MYT1L: variants seen among roughly 807,000 people sequenced by gnomAD.
MYT1L encodes the protein myelin transcription factor 1-like protein.
Under a neutral mutation model 126.7 loss-of-function variants are expected in MYT1L, and 12 were observed. The ratio of observed to expected loss-of-function variants is 0.09; its 90% CI spans 0.06 to 0.15. The LOEUF is 0.15. Among genes scored for constraint, MYT1L ranks in the 10% least tolerant of loss-of-function variants. MYT1L has a pLI of 1.00. For missense variants in MYT1L, 979 were observed against 1,585.2 expected, an observed-to-expected ratio of 0.62 and a Z score of 6.49; for synonymous variants, 541 against 604.2, an observed-to-expected ratio of 0.90 and a Z score of 1.53.
chr2:2,308,668 A>G (rs1247991222), intron 1 of MYT1L, among the ~76,000 whole-genome samples: 1 of 151,884 alleles, frequency 6.6e-6, no homozygotes, highest in Non-Finnish European at 1.5e-5. Context: ...AGTACACTCT[A>G]CCTATATCTT....
chr2:2,211,370 C>T, intron 2 of MYT1L, among the ~76,000 whole-genome samples: 1 of 152,096 alleles, frequency 6.6e-6, no homozygotes, highest in South Asian at 2.1e-4. Flanking sequence ...ATTGTTTTAA[C>T]ATTAATTTTG....
chr2:2,073,688 T>A (rs901954725), intron 3 of MYT1L, among the ~76,000 whole-genome samples: 2 of 152,180 alleles, frequency 1.3e-5, no homozygotes, highest in Non-Finnish European at 2.9e-5. Context: ...TGTCGGTGAC[T>A]CCCACTTTTA....
intron 3 of MYT1L, among the ~76,000 whole-genome samples, chr2:2,170,469 G>A (rs1043459347): frequency 3.3e-5 from 5 of 152,158 alleles, no homozygotes; most frequent in African/African-American, 4.8e-5. Flanking sequence ...GCAGTTGCAC[G>A]GAGACCACTC....
intron 2 of MYT1L, among the ~76,000 whole-genome samples, chr2:2,259,409 T>TAAAA (rs71402142): frequency 1.0e-4 from 15 of 143,746 alleles, no homozygotes; most frequent in African/African-American, 4.1e-4. Context: ...AAAAAAACAT[T>TAAAA]AAAAAAAAAA....
chr2:1,949,512 T>C (rs986992682), intron 8 of MYT1L, among the ~76,000 whole-genome samples: 1 of 152,250 alleles, frequency 6.6e-6, no homozygotes, highest in African/African-American at 2.4e-5. Context: ...CATCTGGTTA[T>C]TCTAGAAACC....
At chr2:2,246,902 G>C (rs2094545897) in intron 2 of MYT1L, among the ~76,000 whole-genome samples, 1 of 152,190 alleles carries the variant, frequency 6.6e-6, no homozygotes, top group African/African-American at 2.4e-5. Flanking sequence ...GTAGCCCACA[G>C]AGCATGGAGG....
At position 1,801,438 on chromosome 2, in the gene MYT1L, C is replaced by T. The variant is rs2147909981; in HGVS notation, c.3276+258G>A. ...AGGAACAGGCGATCCTCTGAAAATG[C>T]CTATTCACAAATGCACTTTATTAAA... On this transcript the variant is annotated intron_variant, in intron 23 of 24. Transcript: ENST00000647738. The surrounding 1 kb of genome is among the most constrained non-coding windows in gnomAD (Gnocchi z 4.2). 1 of 367,000 alleles carries T rather than the reference C, an allele frequency of 2.7e-6. No individual in the cohort carries two copies. Among genetic ancestry groups the T allele is most frequent in the East Asian group, 4.4e-5 (1 of 22,542 alleles). 22.7% of individuals were successfully genotyped at this position (367,000 alleles called of 1,614,324 possible).
At chr2:1,809,891 C>T (rs550296351) in intron 21 of MYT1L, 1 of 152,384 alleles carries the variant, frequency 6.6e-6, no homozygotes, top group Admixed American at 6.5e-5. Flanking sequence ...GAAGGCACCT[C>T]TGCCTCCTTT....
intron 9 of MYT1L, among the ~76,000 whole-genome samples, chr2:1,938,236 G>A (rs914504488): frequency 1.3e-5 from 2 of 152,106 alleles, no homozygotes; most frequent in African/African-American, 4.8e-5. Context: ...ATATTTTAGT[G>A]GACTGGAGTA....
intron 2 of MYT1L, among the ~76,000 whole-genome samples, chr2:2,182,629 C>T (rs191423303): frequency 2.4e-4 from 37 of 152,220 alleles, no homozygotes; most frequent in African/African-American, 8.4e-4. Flanking sequence ...GGCATTGCGT[C>T]GGTTTTTCAA....
rs202244189 is a variant in MYT1L at position 1,980,823 on chromosome 2, G to A, written c.1-1046C>T. ...TGTTTGTTCACCAAACATTCCCACA[G>A]TATGGGAAGTGTTTGCACATGGCAA... is the stretch of plus-strand genomic sequence containing the variant. On this transcript the variant is annotated intron_variant, in intron 5 of 24. Transcript: ENST00000647738. Among the ~76,000 whole-genome samples the A allele has an allele frequency of 1.4e-3, 211 of 152,242 alleles. 1 individual carries two copies. Among genetic ancestry groups the A allele is most frequent in the African/African-American group, 4.8e-3 (201 of 41,544 alleles).
At chr2:2,274,469 A>T (rs1486946316) in intron 2 of MYT1L, among the ~76,000 whole-genome samples, 2 of 151,286 alleles carry the variant, frequency 1.3e-5, no homozygotes, top group Non-Finnish European at 2.9e-5. Context: ...TTTTCCTAAA[A>T]CATTTAGGAG....
chr2:1,899,062 TG>T lies in MYT1L; in HGVS notation c.2032+4017del, dbSNP rs544220454. Among the ~76,000 whole-genome samples the T allele has an allele frequency of 5.1e-3, 771 of 152,380 alleles. 3 individuals are homozygous for T. Among genetic ancestry groups the T allele is most frequent in the Non-Finnish European group, 7.4e-3 (506 of 68,040 alleles). On this transcript the variant is annotated intron_variant, in intron 14 of 24. Transcript: ENST00000647738. ...AAGGAGAACATGGGCAGAGCCCATT[TG>T]GGGGCTGGTAACCTGACAGGATTAG... is the stretch of plus-strand genomic sequence containing the variant.
chr2:1,839,016 G>A (rs775599456), intron 21 of MYT1L, 133 bp downstream of exon 21: 61 of 806,106 alleles, frequency 7.6e-5, no homozygotes, highest in Middle Eastern at 3.7e-4. Flanking sequence ...AGGTTGGTAC[G>A]ATAGTTTTCA....
chr2:1,901,834 A>G (rs528718914), intron 14 of MYT1L, among the ~76,000 whole-genome samples: 2 of 151,362 alleles, frequency 1.3e-5, no homozygotes, highest in Non-Finnish European at 2.9e-5. Flanking sequence ...TAATTTTTGT[A>G]TTTTTAGTAG....
In MYT1L at chr2:1,811,510, TG is replaced by T. The variant is rs2036655376; in HGVS notation, c.3081-2344del. 1.3e-5 allele frequency: 2 copies of T among 152,158 alleles called. No individual in the cohort carries two copies. The highest frequency in any genetic ancestry group is 2.4e-5 in the African/African-American group (1 of 41,404). The allele number at this position is 152,158 out of a possible 1,614,324, so 9.4% of individuals were successfully genotyped here. On this transcript the variant is annotated intron_variant, in intron 21 of 24. Coordinates refer to ENST00000647738, the MANE Select transcript of MYT1L (RefSeq NM_001303052.2). The surrounding 1 kb of genome is among the most constrained non-coding windows in gnomAD (Gnocchi z 4.4). ...CTGGGAACTGGGTGGCCTGACAGGG[TG>T]GGCACGGTGGGCGCCCTGGCTTCTC...
intron 3 of MYT1L, among the ~76,000 whole-genome samples, chr2:2,104,218 A>T (rs2078463509): frequency 6.6e-6 from 1 of 152,260 alleles, no homozygotes; most frequent in Non-Finnish European, 1.5e-5. Context: ...TGCATGAAAT[A>T]ACAAGAAAAA....
chr2:2,139,090 C>T (rs1431626181), intron 3 of MYT1L, among the ~76,000 whole-genome samples: 3 of 151,882 alleles, frequency 2.0e-5, no homozygotes, highest in Middle Eastern at 3.4e-3. Context: ...ATGAGGACAC[C>T]GAGACCAGCA....
intron 3 of MYT1L, among the ~76,000 whole-genome samples, chr2:2,054,627 T>C (rs2069253948): frequency 6.6e-6 from 1 of 151,444 alleles, no homozygotes; most frequent in Non-Finnish European, 1.5e-5. Context: ...CACATGGAGA[T>C]GGAACACACA....
Sources: gnomAD v4.1 joint callset for allele counts (sites outside exome capture counted in the v4.1 genomes callset) on GRCh38, gnomAD v4.1.1 for gene constraint, Gnocchi (gnomAD v3.1) non-coding constraint, MANE v1.5 for transcripts, NCBI Gene and HGNC (gene_info 2026-07-23, HGNC 2026-07-21) for gene names.